ZNF273: variants seen among roughly 807,000 people sequenced by gnomAD.
ZNF273 encodes the protein zinc finger protein 273.
A neutral mutation model predicts 14.9 loss-of-function variants in ZNF273; 11 were observed. The observed-to-expected ratio is 0.74, with a 90% confidence interval of 0.46 to 1.22. The LOEUF (loss-of-function observed/expected upper bound fraction) is 1.22, where lower values mean the gene tolerates loss of function less well. Ranked by LOEUF, ZNF273 falls within the 50% of genes most tolerant of loss-of-function variation. The pLI is 0.00. For missense variants in ZNF273, 577 were observed against 660.6 expected (o/e 0.87, Z 1.39); for synonymous variants, 199 against 223.9 (o/e 0.89, Z 0.99).
intron 1 of ZNF273, among the ~76,000 whole-genome samples, chr7:64,913,231 A>G (rs1793697606): frequency 6.6e-6 from 1 of 152,008 alleles, no homozygotes; most frequent in Admixed American, 6.6e-5. Flanking sequence ...CTACATTGAA[A>G]TTTTCCTTTC....
chr7:64,918,152 G>A, intron 2 of ZNF273, 45 bp from the exon 3 acceptor site: 3 of 1,507,598 alleles, frequency 2.0e-6, no homozygotes, highest in Non-Finnish European at 2.7e-6. Flanking sequence ...GTTGATAATT[G>A]GAGAATATGA....
chr7:64,895,391 T>C (rs1476565270), intron 3 of ZNF273, among the ~76,000 whole-genome samples: 1 of 152,254 alleles, frequency 6.6e-6, no homozygotes, highest in East Asian at 1.9e-4. Flanking sequence ...AAATTCTGTC[T>C]TTCAATATTG....
In ZNF273 at chr7:64,903,462, TG is replaced by T. The variant is rs768517022; in HGVS notation, c.102+45del. On this transcript the variant is annotated intron_variant, in intron 1 of 3. Coordinates refer to ENST00000476120, the MANE Select transcript of ZNF273 (RefSeq NM_021148.3). ...CAGATCCCGAGAGAGGGGGAGGGCC[TG>T]GTTGGAACTGGTGGGAAGTGGATGT... 61 of 1,550,564 alleles carry T rather than the reference TG, an allele frequency of 3.9e-5. 1 individual carries two copies. The South Asian group carries it at 4.1e-4, about 10-fold the overall frequency.
downstream of ZNF273, among the ~76,000 whole-genome samples, chr7:64,935,242 GCT>G (rs1359603865): frequency 6.6e-6 from 1 of 152,062 alleles, no homozygotes; most frequent in Non-Finnish European, 1.5e-5. Context: ...TTTTTTCCAA[GCT>G]GGATGCCTTT....
At chr7:64,925,291 C>T (rs1023747710) in intron 3 of ZNF273, among the ~76,000 whole-genome samples, 3 of 151,978 alleles carry the variant, frequency 2.0e-5, no homozygotes, top group African/African-American at 4.8e-5. Flanking sequence ...ATTTTTGTAT[C>T]GATATGCTTT....
At chr7:64,881,937 G>C (rs1338842213), downstream of ZNF273, among the ~76,000 whole-genome samples, 3 of 152,140 alleles carry the variant, frequency 2.0e-5, no homozygotes, top group African/African-American at 7.2e-5. Context: ...CGCTGTAGAC[G>C]GACTCTGAGA....
chr7:64,895,968 C>G (rs1792339639), intron 3 of ZNF273, among the ~76,000 whole-genome samples: 1 of 151,614 alleles, frequency 6.6e-6, no homozygotes, highest in Admixed American at 6.6e-5. Flanking sequence ...TTTGAACTTT[C>G]AGTATGAAAA....
chr7:64,886,915 C>A (rs1349767016), intron 1 of ZNF273, among the ~76,000 whole-genome samples: 1 of 152,218 alleles, frequency 6.6e-6, no homozygotes, highest in East Asian at 1.9e-4. Context: ...AGCATGGTCC[C>A]CATGTGGAAG....
intron 1 of ZNF273, among the ~76,000 whole-genome samples, chr7:64,885,400 C>T (rs1302691032): frequency 2.6e-5 from 4 of 152,202 alleles, no homozygotes; most frequent in African/African-American, 9.6e-5. Context: ...TCTCTTCTGC[C>T]CCTTCACTGT....
chr7:64,914,013 CTT>C (rs1279290335), intron 1 of ZNF273, among the ~76,000 whole-genome samples: 1 of 151,080 alleles, frequency 6.6e-6, no homozygotes, highest in South Asian at 2.1e-4. Flanking sequence ...TCGTTTTCGC[CTT>C]TTTTTGTTTT....
At chr7:64,911,569 T>C (rs1562958685) in intron 1 of ZNF273, among the ~76,000 whole-genome samples, 1 of 152,088 alleles carries the variant, frequency 6.6e-6, no homozygotes, top group African/African-American at 2.4e-5. Flanking sequence ...GGCCAAGTTA[T>C]TTGTATTTTT....
At chr7:64,912,836 T>TG (rs2129070875) in intron 1 of ZNF273, among the ~76,000 whole-genome samples, 1 of 64,496 alleles carries the variant, frequency 1.6e-5, no homozygotes, top group Non-Finnish European at 3.6e-5. Flanking sequence ...GTTTTTTTTT[T>TG]TTTTTTTTTT....
At chr7:64,932,140 TAA>T (rs1257272251), downstream of ZNF273, among the ~76,000 whole-genome samples, 1 of 151,406 alleles carries the variant, frequency 6.6e-6, no homozygotes. Context: ...CTTACCAATA[TAA>T]CTGTCAGATT....
Position 64,929,035 on chromosome 7 carries a change from C to G in ZNF273, c.1707C>G (p.Ser569=). The G allele has an allele frequency of 6.7e-7, 1 of 1,483,518 alleles. No individual in the cohort carries two copies. Among genetic ancestry groups the G allele is most frequent in the Admixed American group, 2.4e-5 (1 of 41,408 alleles). The allele number at this position is 1,483,518 out of a possible 1,614,324, so 91.9% of individuals were successfully genotyped here. The change falls in exon 4 of 4, where the codon TCC becomes TCG. Residue 569 remains serine, a synonymous_variant. Coordinates refer to ENST00000476120, the MANE Select transcript of ZNF273 (RefSeq NM_021148.3). ...RHKRNHMGEK[S] The stretch of plus-strand genomic sequence containing the variant: ...AAAGAAATCATATGGGTGAGAAATC[C>G]TAGAAATGTGAAGAATGTGACAAAG...
chr7:64,912,185 C>G (rs963392259), intron 1 of ZNF273, among the ~76,000 whole-genome samples: 26 of 152,296 alleles, frequency 1.7e-4, no homozygotes, highest in African/African-American at 5.8e-4. Flanking sequence ...TGGTCTTGAA[C>G]AGATCTGAGG....
chr7:64,932,150 A>C (rs574651895), downstream of ZNF273, among the ~76,000 whole-genome samples: 45 of 151,598 alleles, frequency 3.0e-4, no homozygotes, highest in Non-Finnish European at 5.6e-4. Context: ...TAACTGTCAG[A>C]TTGTTAAGAT....
downstream of ZNF273, chr7:64,880,045 G>A (rs960171762): frequency 3.9e-5 from 6 of 152,256 alleles, no homozygotes; most frequent in African/African-American, 1.4e-4. Flanking sequence ...GGCACCAGGA[G>A]CAAGTAGTGA....
chr7:64,930,559 T>C lies in ZNF273; in HGVS notation c.*1521T>C, dbSNP rs1794969208. On this transcript the variant is annotated 3_prime_UTR_variant, in exon 4 of 4. Transcript: ENST00000476120. The stretch of plus-strand genomic sequence containing the variant: ...ACTTGTGCATTCAGTGAAGCGTTAT[T>C]ATGCCACAAACTAACCTACCTCACC... The C allele has an allele frequency of 6.6e-6, 1 of 152,200 alleles. No individual in the cohort carries two copies. The highest frequency in any genetic ancestry group is 2.1e-4 in the South Asian group (1 of 4,822). 9.4% of individuals were successfully genotyped at this position (152,200 alleles called of 1,614,324 possible). A position where few individuals can be genotyped will look rare whatever the true frequency, so the allele number is the denominator to read the frequency against.
At chr7:64,919,127 C>T (rs1286055343) in intron 3 of ZNF273, among the ~76,000 whole-genome samples, 1 of 152,096 alleles carries the variant, frequency 6.6e-6, no homozygotes, top group Non-Finnish European at 1.5e-5. Flanking sequence ...TCTCTTTCCT[C>T]AAGATTGCTT....
Sources: allele counts gnomAD v4.1 joint callset (sites outside exome capture counted in the v4.1 genomes callset), GRCh38; gene constraint gnomAD v4.1.1; transcripts MANE v1.5; gene names NCBI Gene and HGNC (gene_info 2026-07-23, HGNC 2026-07-21).